The following COL4A5 variants were observed in gnomAD, a reference collection of about 807,000 sequenced individuals.
COL4A5 encodes collagen type IV alpha 5 chain.
A neutral mutation model predicts 130.2 loss-of-function variants in COL4A5; 26 were observed. The observed-to-expected ratio is 0.20, with a 90% CI of 0.15 to 0.28. The LOEUF (loss-of-function observed/expected upper bound fraction) is 0.28. COL4A5 is among the 10% of genes least tolerant of loss of function. The pLI, the probability that COL4A5 is intolerant of heterozygous loss-of-function variation, is 1.00. For synonymous variants in COL4A5, 496 were observed against 439.6 expected, an observed-to-expected ratio of 1.13 and a Z score of -1.60; for missense variants, 1,131 against 1,344.3, an observed-to-expected ratio of 0.84 and a Z score of 2.48.
chrX:108,557,808 G>A (rs983066831), intron 2 of COL4A5, among the ~76,000 whole-genome samples: 1 of 110,530 alleles, frequency 9.0e-6, no homozygotes. Context: ...CTGTTAAGAG[G>A]GTTCCCAGAA....
chrX:108,503,598 C>T (rs927076688), intron 1 of COL4A5, among the ~76,000 whole-genome samples: 5 of 111,821 alleles, frequency 4.5e-5, no homozygotes, highest in Admixed American at 9.5e-5. Context: ...AAATCAGTAG[C>T]ACCACTATGC....
intron 1 of COL4A5, among the ~76,000 whole-genome samples, chrX:108,511,074 G>A (rs963110037): frequency 9.0e-6 from 1 of 111,215 alleles, no homozygotes; most frequent in African/African-American, 3.3e-5. Flanking sequence ...ATGAACCCTT[G>A]TATACTTTTC....
At chrX:108,463,966 G>A (rs2064678679) in intron 1 of COL4A5, among the ~76,000 whole-genome samples, 2 of 111,853 alleles carry the variant, frequency 1.8e-5, no homozygotes, top group African/African-American at 6.5e-5. Flanking sequence ...ACGTTACTAT[G>A]GCACTATAGT....
In COL4A5 at chrX:108,440,136, G is replaced by A; in HGVS notation, c.11G>A (p.Arg4His). The A allele has an allele frequency of 1.7e-6, 2 of 1,208,738 alleles. No individual in the cohort carries two copies. The highest frequency in any genetic ancestry group is 2.2e-6 in the Non-Finnish European group (2 of 893,956). The change falls in exon 1 of 53, where the codon CGT (arginine) becomes CAT (histidine). Residue 4 changes from arginine to histidine, a missense_variant. By Grantham distance (29) the Arg-to-His change is conservative. Transcript: ENST00000328300. ...GGGAGCCGGAGAAGAATGAAACTGC[G>A]TGGAGTCAGCCTGGCTGCCGGCTTG... MKL[R>H]GVSLAAGLFL...
Position 108,622,700 on chromosome X carries a change from C to T in COL4A5, c.2792C>T (p.Pro931Leu). The T allele has an allele frequency of 2.5e-6, 3 of 1,211,345 alleles. No homozygotes were observed. The highest frequency in any genetic ancestry group is 3.4e-6 in the Non-Finnish European group (3 of 895,188). ...GGTGATGATGGCTTGCAGGGTCAGC[C>T]AGGACTTCCTGGCCCTACAGGAGAA... ...LKGDDGLQGQPGLPGPTGEKG... is the reference protein window; with the variant it reads ...LKGDDGLQGQLGLPGPTGEKG... The change falls in exon 33 of 53, where the codon CCA becomes CTA. Residue 931 changes from proline (P) to leucine (L), a missense_variant. By Grantham distance (98) the Pro-to-Leu change is moderately conservative (BLOSUM62 -3). Coordinates refer to ENST00000328300, the MANE Select transcript of COL4A5 (RefSeq NM_033380.3).
chrX:108,556,764 C>G (rs1435587706), intron 2 of COL4A5, among the ~76,000 whole-genome samples: 1 of 110,967 alleles, frequency 9.0e-6, no homozygotes, highest in Non-Finnish European at 1.9e-5. Flanking sequence ...CCCATCCCCA[C>G]CACATCCTCG....
intron 2 of COL4A5, among the ~76,000 whole-genome samples, chrX:108,550,160 C>T (rs2065729095): frequency 9.0e-6 from 1 of 111,160 alleles, no homozygotes; most frequent in African/African-American, 3.3e-5. Context: ...TATTGAATGC[C>T]CTCCAATTAA....
At chrX:108,562,111 A>G (rs747268213) in intron 3 of COL4A5, among the ~76,000 whole-genome samples, 155 of 111,817 alleles carry the variant, frequency 1.4e-3, no homozygotes, top group Non-Finnish European at 2.5e-3. Flanking sequence ...CTTGGCAGCA[A>G]TCTATGCATA....
At chrX:108,632,584 A>G (rs1417823523) in intron 36 of COL4A5, among the ~76,000 whole-genome samples, 2 of 111,767 alleles carry the variant, frequency 1.8e-5, no homozygotes, top group Non-Finnish European at 1.9e-5. Flanking sequence ...AATCCTCAAT[A>G]AAATACTGGC....
chrX:108,637,043 AG>A (rs2067368682), intron 36 of COL4A5, among the ~76,000 whole-genome samples: 1 of 106,263 alleles, frequency 9.4e-6, no homozygotes, highest in African/African-American at 3.4e-5. Context: ...TCCAGGCTCA[AG>A]CAATTCTCAT....
chrX:108,495,200 C>T (rs57196393), intron 1 of COL4A5, among the ~76,000 whole-genome samples: 10,532 of 109,475 alleles, frequency 0.096, 1,151 homozygotes, highest in African/African-American at 0.32. Flanking sequence ...AAGCCTCACA[C>T]CTTACAAAAA....
At chrX:108,470,210 T>A (rs1353314727) in intron 1 of COL4A5, among the ~76,000 whole-genome samples, 1 of 112,398 alleles carries the variant, frequency 8.9e-6, no homozygotes, top group Non-Finnish European at 1.9e-5. Context: ...CTTTGAGAAA[T>A]CTCCAAACTG....
At position 108,697,442 on chromosome X, in the gene COL4A5, A is replaced by T. The variant is rs1348428016; in HGVS notation, c.*1064A>T. 2 of 111,128 alleles carry T rather than the reference A, an allele frequency of 1.8e-5. No individual in the cohort carries two copies. The highest frequency in any genetic ancestry group is 3.8e-5 in the Non-Finnish European group (2 of 53,120). 9.2% of individuals were successfully genotyped at this position (111,128 alleles called of 1,213,427 possible). On this transcript the variant is annotated 3_prime_UTR_variant, in exon 53 of 53. Coordinates refer to ENST00000328300, the MANE Select transcript of COL4A5 (RefSeq NM_033380.3). ...CTTTTTAAATTTTAAATATTTTGTT[A>T]TAAATACTCACAGGATACCTTATTT...
intron 1 of COL4A5, among the ~76,000 whole-genome samples, chrX:108,513,343 T>C (rs1191345104): frequency 8.9e-6 from 1 of 112,030 alleles, no homozygotes; most frequent in Non-Finnish European, 1.9e-5. Flanking sequence ...TATATCATTT[T>C]ATATTCCCAT....
chrX:108,679,087 G>A (rs1014625280), intron 44 of COL4A5, among the ~76,000 whole-genome samples: 2 of 112,043 alleles, frequency 1.8e-5, no homozygotes, highest in African/African-American at 3.2e-5. Context: ...CAGGCTAACC[G>A]ATAAGGAGGT....
intron 37 of COL4A5, among the ~76,000 whole-genome samples, chrX:108,661,037 T>TA (rs1295992790): frequency 8.9e-6 from 1 of 112,301 alleles, no homozygotes; most frequent in East Asian, 2.8e-4. Flanking sequence ...GCAGTACAGT[T>TA]ACATGCTATG....
intron 25 of COL4A5, 151 bp from the exon 26 acceptor site, chrX:108,601,242 A>C: frequency 2.1e-6 from 1 of 470,512 alleles, no homozygotes; most frequent in East Asian, 3.7e-5. Flanking sequence ...TATTTCTTGA[A>C]TATATAGTGG....
rs772341112 is a variant in COL4A5 at position 108,630,893 on chromosome X, A to G, written c.3246+4544A>G. ...CTTATGACTAGCCAGTTCTCCCAGC[A>G]TCATTTATTAAATAGGAAATACTTT... On this transcript the variant is annotated intron_variant, in intron 36 of 52. Coordinates refer to ENST00000328300, the MANE Select transcript of COL4A5 (RefSeq NM_033380.3). 8.0e-5 allele frequency among the ~76,000 whole-genome samples: 9 copies of G among 112,370 alleles called. No homozygotes were observed. The South Asian group carries it at 1.1e-3, about 14-fold the overall frequency.
At chrX:108,672,765 A>G (rs2147967281) in intron 42 of COL4A5, among the ~76,000 whole-genome samples, 1 of 112,030 alleles carries the variant, frequency 8.9e-6, no homozygotes, top group East Asian at 2.8e-4. Context: ...TCATATTTCA[A>G]TGAAATATTT....
Sources: gnomAD v4.1 joint callset for allele counts (sites outside exome capture counted in the v4.1 genomes callset) on GRCh38, gnomAD v4.1.1 for gene constraint, MANE v1.5 for transcripts, NCBI Gene and HGNC (gene_info 2026-07-23, HGNC 2026-07-21) for gene names.